Variants in ENTHD1 observed in about 807,000 individuals in gnomAD.
ENTHD1 encodes ENTH domain containing 1.
In ENTHD1, 23 loss-of-function variants were observed where a neutral mutation model predicts 39.1. The ratio of observed to expected loss-of-function variants is 0.59; its 90% CI spans 0.42 to 0.83. The LOEUF is 0.83. ENTHD1 is among the 40% of genes least tolerant of loss of function. The probability of loss-of-function intolerance (pLI) is 0.00; values close to 1 mark genes in which losing one functional copy is unlikely to be tolerated. For synonymous variants in ENTHD1, 230 were observed against 258.2 expected (o/e 0.89, Z 1.05); for missense variants, 624 against 705.4 (o/e 0.88, Z 1.31).
intron 2 of ENTHD1, chr22:39,875,350 C>A: frequency 7.4e-7 from 1 of 1,355,062 alleles, no homozygotes; most frequent in Non-Finnish European, 9.4e-7. Flanking sequence ...CCACGTCCCG[C>A]GGGGTGGCGG....
intron 5 of ENTHD1, among the ~76,000 whole-genome samples, chr22:39,769,683 G>A (rs1285810304): frequency 6.6e-6 from 1 of 152,084 alleles, no homozygotes; most frequent in Admixed American, 6.6e-5. Flanking sequence ...AGAGTATGGG[G>A]TGGAGCATCA....
chr22:39,805,019 C>T (rs1430339098), intron 5 of ENTHD1, among the ~76,000 whole-genome samples: 2 of 152,098 alleles, frequency 1.3e-5, no homozygotes, highest in Non-Finnish European at 1.5e-5. Context: ...CCTTGCATCT[C>T]GAGTCTGTCA....
intron 5 of ENTHD1, among the ~76,000 whole-genome samples, chr22:39,796,994 C>T (rs1217882382): frequency 6.6e-6 from 1 of 152,124 alleles, no homozygotes; most frequent in Non-Finnish European, 1.5e-5. Context: ...TTATTGGAGC[C>T]TATCTCACCT....
intron 5 of ENTHD1, among the ~76,000 whole-genome samples, chr22:39,769,330 C>T (rs757334677): frequency 5.3e-5 from 8 of 151,742 alleles, no homozygotes; most frequent in East Asian, 3.9e-4. Context: ...AACGAGGGAC[C>T]GGGAAATTTA....
At chr22:39,861,739 T>G (rs1380884358) in intron 3 of ENTHD1, 26 bp downstream of exon 3, 1 of 1,433,278 alleles carries the variant, frequency 7.0e-7, no homozygotes, top group Non-Finnish European at 9.3e-7. Context: ...CCTGTTGCAT[T>G]TTAGGCCAAT....
Position 39,743,904 on chromosome 22 carries a change from C to T in ENTHD1, c.1599G>A (p.Gln533=). Residue 533 remains glutamine (Q), a synonymous_variant, in exon 7 of 7, where the codon CAG becomes CAA. Transcript: ENST00000325157. ...QFIPLSCSGF[Q]STKDFPQEPE... is the part of the protein sequence containing the mutation. ...GTTCCTGGGGGAAGTCTTTGGTTGA[C>T]TGAAAACCAGAACAGGACAGAGGGA... is the stretch of plus-strand genomic sequence containing the variant. 1.2e-6 allele frequency: 2 copies of T among 1,614,098 alleles called. No homozygotes were observed. The highest frequency in any genetic ancestry group is 1.7e-6 in the Non-Finnish European group (2 of 1,179,988).
intron 3 of ENTHD1, among the ~76,000 whole-genome samples, chr22:39,856,002 G>A (rs1010804254): frequency 3.9e-5 from 6 of 152,042 alleles, no homozygotes; most frequent in Non-Finnish European, 8.8e-5. Context: ...GGCCGGGCGC[G>A]GTGGCTCAAC....
At chr22:39,892,641 A>T (rs2066435334) in intron 1 of ENTHD1, among the ~76,000 whole-genome samples, 1 of 152,224 alleles carries the variant, frequency 6.6e-6, no homozygotes, top group Non-Finnish European at 1.5e-5. Context: ...GGAACAGAGG[A>T]GCTGAACTGA....
intron 5 of ENTHD1, among the ~76,000 whole-genome samples, chr22:39,792,299 AG>A (rs2065510934): frequency 6.6e-6 from 1 of 151,992 alleles, no homozygotes; most frequent in Admixed American, 6.5e-5. Context: ...TAGTTCTTTG[AG>A]GAATCGCCAC....
At chr22:39,769,657 T>C (rs1470293768) in intron 5 of ENTHD1, among the ~76,000 whole-genome samples, 1 of 152,024 alleles carries the variant, frequency 6.6e-6, no homozygotes, top group Non-Finnish European at 1.5e-5. Context: ...GCAGTAGTAC[T>C]CAGAGGAAGG....
intron 5 of ENTHD1, among the ~76,000 whole-genome samples, chr22:39,805,020 G>C (rs901538406): frequency 6.6e-6 from 1 of 152,138 alleles, no homozygotes; most frequent in Non-Finnish European, 1.5e-5. Flanking sequence ...CTTGCATCTC[G>C]AGTCTGTCAA....
intron 5 of ENTHD1, among the ~76,000 whole-genome samples, chr22:39,786,333 A>C (rs1198893351): frequency 6.6e-6 from 1 of 152,218 alleles, no homozygotes; most frequent in Non-Finnish European, 1.5e-5. Context: ...TGATTAAATC[A>C]AACTAACGAA....
At chr22:39,857,107 G>C (rs1221440886) in intron 3 of ENTHD1, among the ~76,000 whole-genome samples, 2 of 152,012 alleles carry the variant, frequency 1.3e-5, no homozygotes, top group Non-Finnish European at 1.5e-5. Flanking sequence ...TAGTGAATGA[G>C]ACATGTCATA....
chr22:39,821,589 G>A (rs963287825), intron 4 of ENTHD1, among the ~76,000 whole-genome samples: 6 of 152,126 alleles, frequency 3.9e-5, no homozygotes, highest in African/African-American at 1.4e-4. Flanking sequence ...TCCCTACCAT[G>A]CCTCATTTGT....
intron 5 of ENTHD1, among the ~76,000 whole-genome samples, chr22:39,775,315 T>A (rs1250358831): frequency 1.3e-5 from 2 of 152,186 alleles, no homozygotes; most frequent in Non-Finnish European, 2.9e-5. Flanking sequence ...CATAGGCAAC[T>A]AGCAGAGTAT....
chr22:39,878,400 A>T (rs2066308555), intron 2 of ENTHD1, among the ~76,000 whole-genome samples: 1 of 152,178 alleles, frequency 6.6e-6, no homozygotes, highest in Non-Finnish European at 1.5e-5. Flanking sequence ...TATGTGAAAC[A>T]GTCACTGATA....
At chr22:39,879,175 T>C (rs1201600602) in intron 2 of ENTHD1, among the ~76,000 whole-genome samples, 1 of 151,808 alleles carries the variant, frequency 6.6e-6, no homozygotes, top group Non-Finnish European at 1.5e-5. Flanking sequence ...TTAAAGAAGA[T>C]ATACAGGCCG....
chr22:39,853,919 A>G (rs1047333094), intron 3 of ENTHD1, among the ~76,000 whole-genome samples: 1 of 152,180 alleles, frequency 6.6e-6, no homozygotes, highest in Admixed American at 6.5e-5. Context: ...CTATACATAC[A>G]TTTAAGGAAG....
At chr22:39,885,683 C>T (rs973976751) in intron 2 of ENTHD1, among the ~76,000 whole-genome samples, 2 of 152,176 alleles carry the variant, frequency 1.3e-5, no homozygotes, top group African/African-American at 4.8e-5. Context: ...CATCCTACAA[C>T]ATGACAACGC....
Sources: allele counts gnomAD v4.1 joint callset (sites outside exome capture counted in the v4.1 genomes callset), GRCh38; gene constraint gnomAD v4.1.1; transcripts MANE v1.5; gene names NCBI Gene and HGNC (gene_info 2026-07-23, HGNC 2026-07-21).